Variants in DNAI2 observed in about 807,000 individuals in gnomAD.
DNAI2 encodes dynein axonemal intermediate chain 2, also known as dynein, axonemal, intermediate polypeptide 2.
DNAI2 carries 63 observed loss-of-function variants against 74.7 expected under a neutral mutation model. That is an observed-to-expected ratio of 0.84 (90% CI 0.69 to 1.04). DNAI2 has a LOEUF of 1.04. Among genes scored for constraint, DNAI2 ranks in the 50% least tolerant of loss-of-function variants. The pLI is 0.00. For synonymous variants in DNAI2, 289 were observed against 314.9 expected (o/e 0.92, Z 0.87); for missense variants, 688 against 803.2 (o/e 0.86, Z 1.73).
chr17:74,285,008 T>C (rs1275249288), intron 2 of DNAI2, 32 bp from the exon 3 acceptor site: 1 of 1,613,752 alleles, frequency 6.2e-7, no homozygotes, highest in Admixed American at 1.7e-5. Flanking sequence ...TATACCAGGG[T>C]GACGTCTTCC....
chr17:74,297,976 C>T (rs1216665101), intron 6 of DNAI2, among the ~76,000 whole-genome samples: 1 of 152,258 alleles, frequency 6.6e-6, no homozygotes, highest in African/African-American at 2.4e-5. Flanking sequence ...CGATCTCCCT[C>T]TCAGACCTGC....
At chr17:74,289,815 G>C (rs1482838327) in intron 5 of DNAI2, 79 bp downstream of exon 5, 1 of 1,591,894 alleles carries the variant, frequency 6.3e-7, no homozygotes, top group African/African-American at 1.3e-5. Flanking sequence ...GGAGGGAGGG[G>C]CAGGAGGTCA....
At chr17:74,300,000 G>C in intron 7 of DNAI2, 143 bp downstream of exon 7, 1 of 1,297,916 alleles carries the variant, frequency 7.7e-7, no homozygotes, top group Non-Finnish European at 1.1e-6. Flanking sequence ...CCAGGCTGGA[G>C]TGCAATGGCA....
chr17:74,291,170 ATTT>A (rs552956633), intron 6 of DNAI2, 37 bp downstream of exon 6: 2 of 1,512,842 alleles, frequency 1.3e-6, no homozygotes, highest in Non-Finnish European at 1.8e-6. Context: ...TTTTATTTTT[ATTT>A]TTTTTAGATG....
chr17:74,301,540 C>T (rs753232860), intron 8 of DNAI2, among the ~76,000 whole-genome samples: 64 of 152,028 alleles, frequency 4.2e-4, no homozygotes, highest in Non-Finnish European at 8.1e-4. Context: ...CTGCCTGGCA[C>T]GGGGTCCCTA....
rs757494255 is a variant in DNAI2, at chr17:74,285,198, C to T, written c.342C>T (p.Gly114=). 1.2e-6 allele frequency: 2 copies of T among 1,614,014 alleles called. No homozygotes were observed. The highest frequency in any genetic ancestry group is 1.1e-5 in the South Asian group (1 of 91,050). ...ENYVNAIMQL[G]SIMEHCIKQN... is the part of the protein sequence containing the mutation. ...ACGTTAACGCCATCATGCAGCTCGG[C>T]TCTGTAAGGCTTCCTCCTGCCCCAG... The change falls in exon 3 of 14, where the codon GGC becomes GGT. Residue 114 remains glycine (G), a synonymous_variant. Coordinates refer to ENST00000311014, the MANE Select transcript of DNAI2 (RefSeq NM_023036.6).
chr17:74,309,113 AC>A, intron 9 of DNAI2, 139 bp from the exon 10 acceptor site: 1 of 907,424 alleles, frequency 1.1e-6, no homozygotes, highest in Non-Finnish European at 1.7e-6. Context: ...TGAGGTCAGC[AC>A]AGCTAGAAGT....
chr17:74,302,383 T>C (rs1010230350), intron 8 of DNAI2, among the ~76,000 whole-genome samples: 5 of 152,010 alleles, frequency 3.3e-5, no homozygotes, highest in Non-Finnish European at 7.4e-5. Flanking sequence ...GCCTGACCAA[T>C]ATGGAGAAAC....
intron 2 of DNAI2, among the ~76,000 whole-genome samples, chr17:74,283,613 A>ATCAATAAC (rs988977788): frequency 2.0e-5 from 3 of 152,166 alleles, no homozygotes; most frequent in Non-Finnish European, 4.4e-5. Context: ...GTCTCTAAAA[A>ATCAATAAC]TAAATAACTA....
At chr17:74,298,123 G>A (rs919378605) in intron 6 of DNAI2, among the ~76,000 whole-genome samples, 9 of 150,726 alleles carry the variant, frequency 6.0e-5, no homozygotes, top group Non-Finnish European at 1.3e-4. Context: ...CAAGAGCCTT[G>A]ACTCAGTCAT....
intron 6 of DNAI2, among the ~76,000 whole-genome samples, chr17:74,299,356 GC>G (rs2052624411): frequency 6.6e-6 from 1 of 152,080 alleles, no homozygotes; most frequent in Non-Finnish European, 1.5e-5. Context: ...CCATCCTGAG[GC>G]TCATCTTCCA....
intron 5 of DNAI2, among the ~76,000 whole-genome samples, chr17:74,290,712 T>C (rs1014989517): frequency 1.3e-5 from 2 of 152,200 alleles, no homozygotes; most frequent in African/African-American, 4.8e-5. Context: ...GTGTAAAAAC[T>C]TTAGTATCAA....
intron 10 of DNAI2, 138 bp from the exon 11 acceptor site, chr17:74,309,879 C>A: frequency 1.7e-6 from 2 of 1,165,472 alleles, no homozygotes; most frequent in South Asian, 1.3e-5. Context: ...CGAGTTTGAA[C>A]TTCATCCTGT....
chr17:74,299,914 CT>C, intron 7 of DNAI2, 57 bp downstream of exon 7: 1 of 1,608,848 alleles, frequency 6.2e-7, no homozygotes, highest in Non-Finnish European at 8.5e-7. Context: ...TAACTGTTCC[CT>C]GGTTCCCCAT....
Position 74,286,994 on chromosome 17 carries a change from C to A in DNAI2, c.363C>A (p.Ile121=). The A allele has an allele frequency of 6.2e-7, 1 of 1,613,832 alleles. No individual in the cohort carries two copies. The highest frequency in any genetic ancestry group is 8.5e-7 in the Non-Finnish European group (1 of 1,179,820). The part of the protein sequence containing the change: ...MQLGSIMEHC[I]KQNNAIDIYE... Reference sequence around the variant, plus strand: ...CCCCCTAGATCATGGAGCACTGCATCAAGCAGAACAATGCCATTGACATCT... The same window carrying A: ...CCCCCTAGATCATGGAGCACTGCATAAAGCAGAACAATGCCATTGACATCT... Residue 121 remains isoleucine (I), a synonymous_variant, in exon 4 of 14, where the codon ATC becomes ATA. Coordinates refer to ENST00000311014, the MANE Select transcript of DNAI2 (RefSeq NM_023036.6).
At chr17:74,304,186 CTTTTTTTTTTTT>C (rs56696514) in intron 8 of DNAI2, among the ~76,000 whole-genome samples, 1 of 67,632 alleles carries the variant, frequency 1.5e-5, no homozygotes, top group African/African-American at 5.8e-5. Flanking sequence ...TTTCTTTTTT[CTTTTTTTTTTTT>C]TTTTTTTTTT....
At chr17:74,297,547 A>G (rs1217289951) in intron 6 of DNAI2, among the ~76,000 whole-genome samples, 1 of 151,162 alleles carries the variant, frequency 6.6e-6, no homozygotes, top group Non-Finnish European at 1.5e-5. Flanking sequence ...ACGCCTGGCT[A>G]ATTTTTGTAT....
intron 1 of DNAI2, among the ~76,000 whole-genome samples, chr17:74,278,889 C>A (rs1307406563): frequency 1.3e-5 from 2 of 152,202 alleles, no homozygotes; most frequent in East Asian, 1.9e-4. Context: ...ACTAACAGGC[C>A]GGGCGCGGTG....
rs73996949 is a variant in DNAI2 at position 74,281,606 on chromosome 17, G to C, written c.-11-201G>C. On this transcript the variant is annotated intron_variant, in intron 1 of 13. Coordinates refer to ENST00000311014, the MANE Select transcript of DNAI2 (RefSeq NM_023036.6). Reference sequence around the variant, plus strand: ...AGAGCAACTGCAATAACTAAACAGGGTAATGCTTAGCATATAGTCGGCACT... The same window carrying C: ...AGAGCAACTGCAATAACTAAACAGGCTAATGCTTAGCATATAGTCGGCACT... 2,012 of 615,722 alleles carry C rather than the reference G, an allele frequency of 3.3e-3. 28 individuals are homozygous for C. The African/African-American group carries it at 0.033, about 10-fold the overall frequency. 38.1% of individuals were successfully genotyped at this position (615,722 alleles called of 1,614,324 possible).
Sources: allele counts gnomAD v4.1 joint callset (sites outside exome capture counted in the v4.1 genomes callset), GRCh38; gene constraint gnomAD v4.1.1; transcripts MANE v1.5; gene names NCBI Gene and HGNC (gene_info 2026-07-23, HGNC 2026-07-21).